TAFA5: variants seen among roughly 807,000 people sequenced by gnomAD.
The protein encoded by TAFA5 is chemokine-like protein TAFA-5.
A neutral mutation model predicts 15.3 loss-of-function variants in TAFA5; 6 were observed. That is an observed-to-expected ratio of 0.39 (90% confidence interval 0.21 to 0.77). TAFA5 has a LOEUF of 0.77. Among genes scored for constraint, TAFA5 ranks in the 30% least tolerant of loss-of-function variants. TAFA5 has a pLI of 0.41. For missense variants in TAFA5, 161 were observed against 193.1 expected, an observed-to-expected ratio of 0.83 and a Z score of 0.98; for synonymous variants, 103 against 80.7, an observed-to-expected ratio of 1.28 and a Z score of -1.48.
At chr22:48,719,162 T>G (rs1234618699) in intron 3 of TAFA5, among the ~76,000 whole-genome samples, 2 of 152,222 alleles carry the variant, frequency 1.3e-5, no homozygotes, top group East Asian at 3.9e-4. Context: ...GGCCCTGGCC[T>G]GCACACACCC....
chr22:48,503,002 G>A (rs1172324835), intron 1 of TAFA5, among the ~76,000 whole-genome samples: 1 of 152,128 alleles, frequency 6.6e-6, no homozygotes. Context: ...CTGCCCTGCA[G>A]AGGTGGAAGG....
chr22:48,514,307 CGTT>C (rs1398650844), intron 1 of TAFA5, among the ~76,000 whole-genome samples: 2 of 152,320 alleles, frequency 1.3e-5, no homozygotes, highest in African/African-American at 2.4e-5. Flanking sequence ...TGGCATCTCA[CGTT>C]GGTGAGAAGG....
At chr22:48,691,273 G>C (rs1445564141) in intron 2 of TAFA5, among the ~76,000 whole-genome samples, 3 of 152,220 alleles carry the variant, frequency 2.0e-5, no homozygotes, top group African/African-American at 7.2e-5. Context: ...CTCCTCTCGT[G>C]GCTGTAAGGG....
intron 1 of TAFA5, among the ~76,000 whole-genome samples, chr22:48,540,818 AC>A (rs2147118817): frequency 6.7e-6 from 1 of 150,374 alleles, no homozygotes; most frequent in Non-Finnish European, 1.5e-5. Flanking sequence ...TTTTTGTGGC[AC>A]TCGGTGTAAT....
At chr22:48,608,831 G>A (rs1252987035) in intron 1 of TAFA5, among the ~76,000 whole-genome samples, 1 of 152,206 alleles carries the variant, frequency 6.6e-6, no homozygotes, top group East Asian at 1.9e-4. Context: ...GGCACCCGAC[G>A]CTCGGGAGCT....
At chr22:48,636,221 A>G (rs1191706303) in intron 1 of TAFA5, among the ~76,000 whole-genome samples, 1 of 152,194 alleles carries the variant, frequency 6.6e-6, no homozygotes. Context: ...TGCTAGCAAC[A>G]CCAACATTAT....
At chr22:48,707,203 A>G (rs130142) in intron 2 of TAFA5, among the ~76,000 whole-genome samples, 99,026 of 150,770 alleles carry the variant, frequency 0.66, 33,090 homozygotes, top group Non-Finnish European at 0.72. Flanking sequence ...GGGTGGTTGT[A>G]AAATCCTCCA....
intron 2 of TAFA5, among the ~76,000 whole-genome samples, chr22:48,660,150 G>A (rs1427979722): frequency 2.0e-5 from 3 of 152,152 alleles, no homozygotes. Context: ...AAAAACCCCA[G>A]GCTCCCATAT....
chr22:48,630,155 G>A (rs964072651), intron 1 of TAFA5, among the ~76,000 whole-genome samples: 3 of 151,080 alleles, frequency 2.0e-5, no homozygotes, highest in Non-Finnish European at 4.4e-5. Context: ...CAGAACGGGG[G>A]CGGGGGATGA....
At position 48,619,750 on chromosome 22, in the gene TAFA5, C is replaced by T. The variant is rs529213025; in HGVS notation, c.113-26847C>T. On this transcript the variant is annotated intron_variant, in intron 1 of 3. Coordinates refer to ENST00000402357, the MANE Select transcript of TAFA5 (RefSeq NM_001082967.3). The stretch of plus-strand genomic sequence containing the variant: ...GCAGCATGGGCGTCACGCTGCCTGC[C>T]GGGCAGAGCCCTTTGCCCCACCTGA... Among the ~76,000 whole-genome samples, 12 of 152,352 alleles carry T rather than the reference C, an allele frequency of 7.9e-5. No homozygotes were observed. The South Asian group carries it at 8.3e-4, about 11-fold the overall frequency.
chr22:48,717,170 A>C (rs889520155), intron 3 of TAFA5, among the ~76,000 whole-genome samples: 15 of 152,228 alleles, frequency 9.9e-5, no homozygotes, highest in Non-Finnish European at 1.9e-4. Context: ...AGAGGGAAAA[A>C]CCAGGTCATG....
chr22:48,690,111 T>C (rs34046584), intron 2 of TAFA5, among the ~76,000 whole-genome samples: 25,982 of 151,976 alleles, frequency 0.17, 2,992 homozygotes, highest in African/African-American at 0.31. Context: ...GCCAGGGGCC[T>C]GTGCTCCCCC....
At chr22:48,503,426 C>G (rs1920964978) in intron 1 of TAFA5, among the ~76,000 whole-genome samples, 4 of 152,218 alleles carry the variant, frequency 2.6e-5, no homozygotes, top group Admixed American at 2.6e-4. Context: ...CAGATGTGGA[C>G]TCGTGAACTT....
chr22:48,492,251 A>G (rs1191860238), intron 1 of TAFA5, among the ~76,000 whole-genome samples: 7 of 152,130 alleles, frequency 4.6e-5, no homozygotes, highest in Non-Finnish European at 7.4e-5. Context: ...TCGTTTGTAA[A>G]TTGTTTTTGT....
intron 1 of TAFA5, among the ~76,000 whole-genome samples, chr22:48,585,912 A>G (rs2147152325): frequency 6.6e-6 from 1 of 152,220 alleles, no homozygotes; most frequent in South Asian, 2.1e-4. Context: ...CATCATAAAC[A>G]CACGTTACAC....
Position 48,641,265 on chromosome 22 carries a change from C to G in TAFA5, c.113-5332C>G, listed in dbSNP as rs140497646. Among the ~76,000 whole-genome samples the G allele has an allele frequency of 2.8e-3, 432 of 152,194 alleles. 1 individual carries two copies. Among genetic ancestry groups the G allele is most frequent in the Non-Finnish European group, 4.7e-3 (318 of 67,990 alleles). ...CCACATTCTTTCCACAGAAGGGGGT[C>G]TCTGTGAAATGATGCGTGACAAACA... On this transcript the variant is annotated intron_variant, in intron 1 of 3. Transcript: ENST00000402357.
In TAFA5 at chr22:48,505,333, A is replaced by T. The variant is rs893619887; in HGVS notation, c.112+15629A>T. 4.6e-5 allele frequency among the ~76,000 whole-genome samples: 7 copies of T among 152,006 alleles called. 1 individual carries two copies. The highest frequency in any genetic ancestry group is 1.7e-4 in the African/African-American group (7 of 41,364). On this transcript the variant is annotated intron_variant, in intron 1 of 3. Coordinates refer to ENST00000402357, the MANE Select transcript of TAFA5 (RefSeq NM_001082967.3). ...GTCTGGAGTGCCCTGAGGCTCAGGGATCCATCATCTACACAAAAGTCCATG... is the reference window on the plus strand; with the variant it reads ...GTCTGGAGTGCCCTGAGGCTCAGGGTTCCATCATCTACACAAAAGTCCATG...
chr22:48,749,756 G>A, intron 3 of TAFA5, 83 bp from the exon 4 acceptor site: 1 of 1,490,672 alleles, frequency 6.7e-7, no homozygotes, highest in Non-Finnish European at 9.2e-7. Flanking sequence ...GCAGGAGCCG[G>A]GGAGGGAAGA....
At chr22:48,664,654 C>A (rs74847980) in intron 2 of TAFA5, among the ~76,000 whole-genome samples, 1 of 152,200 alleles carries the variant, frequency 6.6e-6, no homozygotes, top group Non-Finnish European at 1.5e-5. Flanking sequence ...ACTTCTGTCA[C>A]TGCAGGTTTG....
Sources: allele counts gnomAD v4.1 joint callset (sites outside exome capture counted in the v4.1 genomes callset), GRCh38; gene constraint gnomAD v4.1.1; transcripts MANE v1.5; gene names NCBI Gene and HGNC (gene_info 2026-07-23, HGNC 2026-07-21).